Variants in AGBL1 observed in about 807,000 individuals in gnomAD.
AGBL1 encodes the protein cytosolic carboxypeptidase 4.
In AGBL1, 130 loss-of-function variants were observed where a neutral mutation model predicts 118.9. The observed-to-expected ratio is 1.09, with a 90% CI of 0.95 to 1.26. The LOEUF (loss-of-function observed/expected upper bound fraction) is 1.26, where lower values mean the gene tolerates loss of function less well. AGBL1 is among the 50% of genes most tolerant of loss of function. AGBL1 has a pLI of 0.00. For synonymous variants in AGBL1, 555 were observed against 478.9 expected, an observed-to-expected ratio of 1.16 and a Z score of -2.08; for missense variants, 1,584 against 1,298.1, an observed-to-expected ratio of 1.22 and a Z score of -3.38.
chr15:86,100,125 C>T (rs910285375), intron 1 of AGBL1, among the ~76,000 whole-genome samples: 3 of 151,820 alleles, frequency 2.0e-5, no homozygotes, highest in African/African-American at 4.8e-5. Flanking sequence ...TCTAAAGATG[C>T]GATATATGAC....
chr15:86,223,074 T>G (rs1163072498), intron 5 of AGBL1, among the ~76,000 whole-genome samples: 1 of 152,198 alleles, frequency 6.6e-6, no homozygotes, highest in East Asian at 1.9e-4. Flanking sequence ...AATGTGGCTT[T>G]AACCCATCCC....
At position 86,099,878 on chromosome 15, in the gene AGBL1, G is replaced by A. The variant is rs973815955; in HGVS notation, c.51+19855G>A. Among the ~76,000 whole-genome samples, 14 of 152,148 alleles carry A rather than the reference G, an allele frequency of 9.2e-5. No individual in the cohort carries two copies. In the South Asian group the frequency reaches 1.0e-3, roughly 11 times the overall value. ...GTACTTTCAGTACTATGTTGAATAA[G>A]GGTGGCAAAAATGGGCATCTTGTCT... On this transcript the variant is annotated intron_variant, in intron 1 of 22. Coordinates refer to ENST00000614907, the MANE Select transcript of AGBL1 (RefSeq NM_001386094.1).
intron 5 of AGBL1, among the ~76,000 whole-genome samples, chr15:86,204,948 A>G (rs1168613522): frequency 2.0e-5 from 3 of 152,182 alleles, no homozygotes; most frequent in Admixed American, 1.3e-4. Flanking sequence ...AGTTTACATC[A>G]GAGCTGACTT....
intron 17 of AGBL1, among the ~76,000 whole-genome samples, chr15:86,354,273 A>G (rs999493578): frequency 1.3e-5 from 2 of 152,226 alleles, no homozygotes; most frequent in Admixed American, 6.5e-5. Context: ...AGGCAAATAT[A>G]AGTGGAGGGC....
chr15:86,479,798 C>T (rs1429841637), intron 18 of AGBL1, among the ~76,000 whole-genome samples: 9 of 152,002 alleles, frequency 5.9e-5, no homozygotes, highest in South Asian at 2.1e-4. Flanking sequence ...ATGTTTATTG[C>T]GGCACTATTC....
At chr15:86,650,623 G>C (rs534867543) in intron 21 of AGBL1, among the ~76,000 whole-genome samples, 24 of 152,008 alleles carry the variant, frequency 1.6e-4, no homozygotes, top group African/African-American at 5.5e-4. Context: ...AAAATAAAAA[G>C]GCATTACTTT....
intron 23 of AGBL1, among the ~76,000 whole-genome samples, chr15:86,957,989 G>T (rs72755662): frequency 0.039 from 5,925 of 152,026 alleles, 159 homozygotes; most frequent in Middle Eastern, 0.071. Context: ...ATCACTAGTG[G>T]CCAGGAGTTC....
At chr15:86,477,087 T>A (rs967259433) in intron 18 of AGBL1, among the ~76,000 whole-genome samples, 1 of 152,004 alleles carries the variant, frequency 6.6e-6, no homozygotes, top group African/African-American at 2.4e-5. Context: ...AAGCAGTGTG[T>A]AGAGGGAAAT....
chr15:86,820,815 C>G (rs1294067806), intron 22 of AGBL1, among the ~76,000 whole-genome samples: 5 of 152,138 alleles, frequency 3.3e-5, no homozygotes, highest in African/African-American at 1.2e-4. Flanking sequence ...TTTGACCCAG[C>G]AATCCTATTA....
chr15:86,435,831 T>C (rs2081994276), intron 18 of AGBL1, among the ~76,000 whole-genome samples: 1 of 152,196 alleles, frequency 6.6e-6, no homozygotes, highest in African/African-American at 2.4e-5. Context: ...TGCCTAACAC[T>C]GTTCCTAGTA....
intron 21 of AGBL1, among the ~76,000 whole-genome samples, chr15:86,634,566 G>T (rs1366555977): frequency 2.0e-5 from 3 of 152,178 alleles, no homozygotes; most frequent in African/African-American, 4.8e-5. Flanking sequence ...TGGAAAATGG[G>T]AAGTGTCTGC....
chr15:86,337,378 A>T (rs1477462401), intron 17 of AGBL1, among the ~76,000 whole-genome samples: 2 of 152,176 alleles, frequency 1.3e-5, no homozygotes, highest in African/African-American at 4.8e-5. Context: ...GAAGGAAGGA[A>T]TGAGGTAGAA....
chr15:86,122,229 G>C (rs1387832761), intron 1 of AGBL1, among the ~76,000 whole-genome samples: 1 of 152,114 alleles, frequency 6.6e-6, no homozygotes, highest in African/African-American at 2.4e-5. Flanking sequence ...TGTTGTACAG[G>C]GTCCTGTTGC....
At chr15:87,009,931 T>G (rs1433569824) in intron 24 of AGBL1, among the ~76,000 whole-genome samples, 1 of 152,222 alleles carries the variant, frequency 6.6e-6, no homozygotes, top group Admixed American at 6.5e-5. Flanking sequence ...TTGCTTTTGA[T>G]TTTACATGCT....
intron 3 of AGBL1, among the ~76,000 whole-genome samples, chr15:86,148,580 A>G (rs2077063196): frequency 6.6e-6 from 1 of 152,222 alleles, no homozygotes; most frequent in African/African-American, 2.4e-5. Context: ...TTAGAGAAAA[A>G]AGAGTAAAAA....
At chr15:86,352,000 G>C (rs1238737280) in intron 17 of AGBL1, among the ~76,000 whole-genome samples, 1 of 152,154 alleles carries the variant, frequency 6.6e-6, no homozygotes, top group East Asian at 1.9e-4. Context: ...CCTCCTTCCT[G>C]TGAGAAGTGC....
chr15:86,471,834 G>A (rs563529807), intron 18 of AGBL1, among the ~76,000 whole-genome samples: 2 of 152,326 alleles, frequency 1.3e-5, no homozygotes, highest in African/African-American at 2.4e-5. Flanking sequence ...ATATTGGCAT[G>A]TCTTGACCAT....
chr15:86,960,941 G>A (rs1045112456), intron 23 of AGBL1, among the ~76,000 whole-genome samples: 3 of 152,062 alleles, frequency 2.0e-5, no homozygotes, highest in African/African-American at 7.2e-5. Context: ...GGTTGGGGCA[G>A]ATGGGGAGTG....
At chr15:86,556,198 C>A (rs775251090) in intron 21 of AGBL1, 39 of 1,595,592 alleles carry the variant, frequency 2.4e-5, no homozygotes, top group Non-Finnish European at 3.1e-5. Flanking sequence ...TAGGTTCAGG[C>A]CCTCACCAAC....
Sources: allele counts gnomAD v4.1 joint callset (sites outside exome capture counted in the v4.1 genomes callset), GRCh38; gene constraint gnomAD v4.1.1; transcripts MANE v1.5; gene names NCBI Gene and HGNC (gene_info 2026-07-23, HGNC 2026-07-21).